The following RRP1B variants were observed in gnomAD, a reference collection of about 807,000 sequenced individuals.
The protein encoded by RRP1B is ribosomal RNA processing protein 1 homolog B.
A neutral mutation model predicts 80.2 loss-of-function variants in RRP1B; 56 were observed. The observed-to-expected ratio is 0.70, with a 90% CI of 0.56 to 0.87. The LOEUF (loss-of-function observed/expected upper bound fraction) is 0.87, where lower values mean the gene tolerates loss of function less well. Among genes scored for constraint, RRP1B ranks in the 40% least tolerant of loss-of-function variants. The probability of loss-of-function intolerance (pLI) is 0.00; values close to 1 mark genes in which losing one functional copy is unlikely to be tolerated. For synonymous variants in RRP1B, 351 were observed against 357.6 expected (o/e 0.98, Z 0.21); for missense variants, 807 against 939.8 (o/e 0.86, Z 1.85).
intron 11 of RRP1B, chr21:43,686,512 A>T (rs2147174605): frequency 3.4e-6 from 1 of 291,798 alleles, no homozygotes; most frequent in East Asian, 6.5e-5. Flanking sequence ...GGAATTGGGA[A>T]AGGCACCAGC....
intron 8 of RRP1B, among the ~76,000 whole-genome samples, chr21:43,677,354 G>C (rs1018059356): frequency 6.6e-6 from 1 of 152,032 alleles, no homozygotes; most frequent in African/African-American, 2.4e-5. Flanking sequence ...TCTTTTTCTT[G>C]GGATGTTTAA....
At chr21:43,681,267 G>C (rs961349221) in intron 8 of RRP1B, among the ~76,000 whole-genome samples, 1 of 125,494 alleles carries the variant, frequency 8.0e-6, no homozygotes, top group African/African-American at 4.2e-5. Flanking sequence ...TAAACAGATA[G>C]ATAGATAGAT....
Position 43,659,627 on chromosome 21 carries a change from C to T in RRP1B, c.-38C>T. ...CAGCGCTCGGCTGGCTGCAGCGGCA[C>T]CGCGGGTTGCGCGGCCGGGGATGCT... On this transcript the variant is annotated 5_prime_UTR_variant, in exon 1 of 16. Coordinates refer to ENST00000340648, the MANE Select transcript of RRP1B (RefSeq NM_015056.3). The surrounding 1 kb of genome is among the most constrained non-coding windows in gnomAD (Gnocchi z 4.2). The T allele has an allele frequency of 7.0e-7, 1 of 1,438,496 alleles. No individual in the cohort carries two copies. The highest frequency in any genetic ancestry group is 9.1e-7 in the Non-Finnish European group (1 of 1,094,260). The allele number at this position is 1,438,496 out of a possible 1,614,324, so 89.1% of individuals were successfully genotyped here.
In RRP1B at chr21:43,669,870, G is replaced by A. The variant is rs751452165; in HGVS notation, c.131-14G>A. ...GCATAGACTCTAAGATGTTTGTATT[G>A]TTTTGCCTTCCAGGAGGTTTCAGTC... On this transcript the variant is annotated splice_polypyrimidine_tract_variant and intron_variant, in intron 1 of 15. Coordinates refer to ENST00000340648, the MANE Select transcript of RRP1B (RefSeq NM_015056.3). The A allele has an allele frequency of 1.2e-5, 19 of 1,600,672 alleles. No homozygotes were observed. The Admixed American group carries it at 2.2e-4, about 18-fold the overall frequency.
At chr21:43,683,972 CA>C (rs60372004) in intron 9 of RRP1B, among the ~76,000 whole-genome samples, 2,349 of 88,950 alleles carry the variant, frequency 0.026, 23 homozygotes, top group Middle Eastern at 0.08. Context: ...GACTCTGGCT[CA>C]AAAAAAAAAA....
At chr21:43,679,807 G>A (rs1179975518) in intron 8 of RRP1B, among the ~76,000 whole-genome samples, 1 of 152,170 alleles carries the variant, frequency 6.6e-6, no homozygotes, top group African/African-American at 2.4e-5. Context: ...TGTGTCATCA[G>A]TGACTTCTTT....
chr21:43,671,297 T>TC (rs1164211257), intron 2 of RRP1B, among the ~76,000 whole-genome samples: 3 of 152,062 alleles, frequency 2.0e-5, no homozygotes, highest in Non-Finnish European at 4.4e-5. Flanking sequence ...ATCCCCAGCA[T>TC]CTCACCTCTG....
chr21:43,668,131 C>T (rs1390349259), intron 1 of RRP1B, among the ~76,000 whole-genome samples: 5 of 151,656 alleles, frequency 3.3e-5, no homozygotes, highest in African/African-American at 1.2e-4. Flanking sequence ...ATCGCTTGAA[C>T]CCAGGAGGCA....
chr21:43,688,190 G>A lies in RRP1B; in HGVS notation c.1816G>A (p.Val606Met), dbSNP rs1341085718. 6.3e-7 allele frequency: 1 copy of A among 1,575,928 alleles called. No homozygotes were observed. The highest frequency in any genetic ancestry group is 2.3e-5 in the East Asian group (1 of 43,198). Residue 606 changes from valine to methionine, a missense_variant, in exon 13 of 16, where the codon GTG (valine) becomes ATG (methionine). Val to Met is a conservative substitution (Grantham distance 21, BLOSUM62 1). Coordinates refer to ENST00000340648, the MANE Select transcript of RRP1B (RefSeq NM_015056.3). ...GAAAATGAGAGTGATGTCAAACTTG[G>A]TGGAGCACAACGGGGTGCTGGAGTC... ...RKKMRVMSNL[V>M]EHNGVLESEA...
chr21:43,662,347 G>A (rs2082961045), intron 1 of RRP1B, among the ~76,000 whole-genome samples: 1 of 152,214 alleles, frequency 6.6e-6, no homozygotes, highest in South Asian at 2.1e-4. Flanking sequence ...ATGGAGTACA[G>A]TGGACCTTCA....
Position 43,659,576 on chromosome 21 carries a change from C to T in RRP1B, c.-89C>T, listed in dbSNP as rs533360525. The T allele has an allele frequency of 8.0e-6, 10 of 1,247,814 alleles. No individual in the cohort carries two copies. The African/African-American group carries it at 9.5e-5, about 12-fold the overall frequency. 77.3% of individuals were successfully genotyped at this position (1,247,814 alleles called of 1,614,324 possible). ...CGCCGCCTTCTGTGCAGTCGCGGCC[C>T]GGGCGGACGGTGGCTGGCTGCTCCG... On this transcript the variant is annotated 5_prime_UTR_variant, in exon 1 of 16. Transcript: ENST00000340648. This position sits in a 1 kb window ranked among gnomAD's most constrained non-coding sequence, Gnocchi z 4.2.
chr21:43,691,892 C>T lies in RRP1B; in HGVS notation c.2083+390C>T, dbSNP rs1482670707. Among the ~76,000 whole-genome samples, 1 of 152,048 alleles carries T rather than the reference C, an allele frequency of 6.6e-6. No homozygotes were observed. The highest frequency in any genetic ancestry group is 1.9e-4 in the East Asian group (1 of 5,154). Reference sequence around the variant, plus strand: ...AAACTCCTGACCTCAGGTGATCTGCCTGCCTCGGCCTCCCAAAGATCTGGG... The same window carrying T: ...AAACTCCTGACCTCAGGTGATCTGCTTGCCTCGGCCTCCCAAAGATCTGGG... On this transcript the variant is annotated intron_variant, in intron 15 of 15. Transcript: ENST00000340648. This position sits in a 1 kb window ranked among gnomAD's most constrained non-coding sequence, Gnocchi z 4.2.
intron 8 of RRP1B, among the ~76,000 whole-genome samples, chr21:43,677,879 C>A (rs1568957692): frequency 6.6e-6 from 1 of 152,298 alleles, no homozygotes; most frequent in East Asian, 1.9e-4. Flanking sequence ...GGTGTATATT[C>A]CGCATTTTCT....
At chr21:43,672,925 A>G (rs904449344) in intron 3 of RRP1B, among the ~76,000 whole-genome samples, 1 of 152,250 alleles carries the variant, frequency 6.6e-6, no homozygotes, top group Non-Finnish European at 1.5e-5. Flanking sequence ...GCTGACTCAT[A>G]TTGAACAAAA....
chr21:43,671,980 C>T (rs11702544), intron 2 of RRP1B, among the ~76,000 whole-genome samples: 93,104 of 152,062 alleles, frequency 0.61, 28,997 homozygotes, highest in East Asian at 0.82. Flanking sequence ...AGCCACTGCA[C>T]GTGGCCAGAT....
At position 43,676,852 on chromosome 21, in the gene RRP1B, C is replaced by T. The variant is rs377031450; in HGVS notation, c.734C>T (p.Ser245Phe). ...ACAAAAGTGGGTGATGGTGACCTCTCTGCTGAGGAGATACCTGAAAATGAG... is the reference window on the plus strand; with the variant it reads ...ACAAAAGTGGGTGATGGTGACCTCTTTGCTGAGGAGATACCTGAAAATGAG... Reference protein sequence around the residue: ...QKTKVGDGDLSAEEIPENEVS... With the variant: ...QKTKVGDGDLFAEEIPENEVS... Residue 245 changes from serine to phenylalanine, a missense_variant, in exon 8 of 16, where the codon TCT (serine) becomes TTT (phenylalanine). Ser to Phe is a radical substitution (Grantham distance 155, BLOSUM62 -2). Coordinates refer to ENST00000340648, the MANE Select transcript of RRP1B (RefSeq NM_015056.3). 3.1e-6 allele frequency: 5 copies of T among 1,614,106 alleles called. No homozygotes were observed. In the Admixed American group the frequency reaches 6.7e-5, roughly 22 times the overall value.
chr21:43,680,641 G>A (rs1308891919), intron 8 of RRP1B, among the ~76,000 whole-genome samples: 1 of 151,422 alleles, frequency 6.6e-6, no homozygotes, highest in East Asian at 1.9e-4. Flanking sequence ...GTTTATTGCG[G>A]CCTCAACCTC....
intron 1 of RRP1B, among the ~76,000 whole-genome samples, chr21:43,662,405 A>G (rs2082961269): frequency 6.6e-6 from 1 of 152,240 alleles, no homozygotes; most frequent in Non-Finnish European, 1.5e-5. Context: ...TAATGGGACA[A>G]GAAAACACAA....
Position 43,691,700 on chromosome 21 carries a change from G to A in RRP1B, c.2083+198G>A, listed in dbSNP as rs1362119415. 4.0e-5 allele frequency among the ~76,000 whole-genome samples: 6 copies of A among 150,164 alleles called. No individual in the cohort carries two copies. Among genetic ancestry groups the A allele is most frequent in the Non-Finnish European group, 7.4e-5 (5 of 67,690 alleles). On this transcript the variant is annotated intron_variant, in intron 15 of 15. Coordinates refer to ENST00000340648, the MANE Select transcript of RRP1B (RefSeq NM_015056.3). This position sits in a 1 kb window ranked among gnomAD's most constrained non-coding sequence, Gnocchi z 4.2. Reference sequence around the variant, plus strand: ...GTCACCCAGGCTGCAGTGCAGTGGCGAGATCTTGGCTCACTGCAACCTCCG... The same window carrying A: ...GTCACCCAGGCTGCAGTGCAGTGGCAAGATCTTGGCTCACTGCAACCTCCG...
Sources: gnomAD v4.1 joint callset for allele counts (sites outside exome capture counted in the v4.1 genomes callset) on GRCh38, gnomAD v4.1.1 for gene constraint, Gnocchi (gnomAD v3.1) non-coding constraint, MANE v1.5 for transcripts, NCBI Gene and HGNC (gene_info 2026-07-23, HGNC 2026-07-21) for gene names.